Variants in TMEM204 observed in about 807,000 individuals in gnomAD.
TMEM204 encodes the protein transmembrane protein 204.
TMEM204 carries 15 observed loss-of-function variants against 19.4 expected under a neutral mutation model. The observed-to-expected ratio is 0.77, with a 90% CI of 0.52 to 1.19. The LOEUF (loss-of-function observed/expected upper bound fraction) is 1.19, where lower values mean the gene tolerates loss of function less well. TMEM204 is among the 50% of genes most tolerant of loss of function. The pLI, the probability that TMEM204 is intolerant of heterozygous loss-of-function variation, is 0.00. For synonymous variants in TMEM204, 161 were observed against 146.0 expected, an observed-to-expected ratio of 1.10 and a Z score of -0.74; for missense variants, 287 against 321.2, an observed-to-expected ratio of 0.89 and a Z score of 0.81.
chr16:1,542,184 T>TGTTGAGAGGTATGGCCTGC, intron 2 of TMEM204, 108 bp downstream of exon 2: 1 of 1,265,162 alleles, frequency 7.9e-7, no homozygotes, highest in Non-Finnish European at 1.1e-6. Context: ...CTGCAGGCCA[T>TGTTGAGAGGTATGGCCTGC]ACCTCTCAAC....
At chr16:1,545,741 A>G (rs2032113964) in intron 2 of TMEM204, among the ~76,000 whole-genome samples, 1 of 152,258 alleles carries the variant, frequency 6.6e-6, no homozygotes. Context: ...GGAAAGCCAG[A>G]GTGCAGCACA....
chr16:1,548,263 G>A (rs1347447217), intron 2 of TMEM204, among the ~76,000 whole-genome samples: 1 of 152,234 alleles, frequency 6.6e-6, no homozygotes, highest in Non-Finnish European at 1.5e-5. Flanking sequence ...TAGCTCTGCA[G>A]CTGTACGAAG....
chr16:1,534,065 A>G lies in TMEM204; in HGVS notation c.-211A>G, dbSNP rs2030794030. 3.4e-6 allele frequency: 2 copies of G among 593,638 alleles called. No individual in the cohort carries two copies. Among genetic ancestry groups the G allele is most frequent in the Non-Finnish European group, 5.6e-6 (2 of 357,368 alleles). The allele number at this position is 593,638 out of a possible 1,614,324, so 36.8% of individuals were successfully genotyped here. On this transcript the variant is annotated 5_prime_UTR_variant, in exon 1 of 3. Coordinates refer to ENST00000566264, the MANE Select transcript of TMEM204 (RefSeq NM_024600.6). ...GCCCCGAGGCGAGCAGCTTCAGCAC[A>G]GGCCTGGCCCTGCTCCAGGTGCAGG...
chr16:1,549,437 G>A (rs2032454011), intron 2 of TMEM204, among the ~76,000 whole-genome samples: 1 of 152,200 alleles, frequency 6.6e-6, no homozygotes, highest in Non-Finnish European at 1.5e-5. Flanking sequence ...TTCTTTCTTT[G>A]TTTTTTGAGA....
intron 1 of TMEM204, among the ~76,000 whole-genome samples, chr16:1,537,359 C>A (rs2031182517): frequency 6.6e-6 from 1 of 152,230 alleles, no homozygotes; most frequent in Non-Finnish European, 1.5e-5. Flanking sequence ...CCATGGGGCA[C>A]ATGGAGTCAA....
upstream of TMEM204, among the ~76,000 whole-genome samples, chr16:1,530,228 T>A (rs935587217): frequency 4.2e-5 from 6 of 143,336 alleles, no homozygotes; most frequent in South Asian, 1.2e-3. Flanking sequence ...AACCTCTGCC[T>A]CCCGAGTGAT....
At position 1,553,682 on chromosome 16, in the gene TMEM204, G is replaced by A. The variant is rs562901613; in HGVS notation, c.437-1100G>A. 4.6e-6 allele frequency: 5 copies of A among 1,076,614 alleles called. No homozygotes were observed. Among genetic ancestry groups the A allele is most frequent in the East Asian group, 1.4e-4 (2 of 14,176 alleles). The allele number at this position is 1,076,614 out of a possible 1,614,324, so 66.7% of individuals were successfully genotyped here. On this transcript the variant is annotated intron_variant, in intron 2 of 2. Transcript: ENST00000566264. The surrounding 1 kb of genome is among the most constrained non-coding windows in gnomAD (Gnocchi z 4.4). Reference sequence around the variant, plus strand: ...GGTGGGCAGAAGCGGGGCTGGGGCTGAAGGCTGGCTGGAGGCCCCATGGCC... The same window carrying A: ...GGTGGGCAGAAGCGGGGCTGGGGCTAAAGGCTGGCTGGAGGCCCCATGGCC...
intron 1 of TMEM204, among the ~76,000 whole-genome samples, chr16:1,536,752 C>A (rs1437977645): frequency 6.6e-6 from 1 of 152,168 alleles, no homozygotes; most frequent in African/African-American, 2.4e-5. Context: ...GCCTCTCTCG[C>A]CTTCTCCTTC....
rs2032824653 is a variant in TMEM204 at position 1,553,274 on chromosome 16, G to A, written c.437-1508G>A. On this transcript the variant is annotated intron_variant, in intron 2 of 2. Transcript: ENST00000566264. The surrounding 1 kb of genome is among the most constrained non-coding windows in gnomAD (Gnocchi z 4.4). ...TCTCTCTGTATCTCTCTTGGTCTCT[G>A]TCTCTCTGTGTCTCTGCCTGTCTCT... 1 of 978,936 alleles carries A rather than the reference G, an allele frequency of 1.0e-6. No individual in the cohort carries two copies. The highest frequency in any genetic ancestry group is 1.2e-6 in the Non-Finnish European group (1 of 824,336). The allele number at this position is 978,936 out of a possible 1,614,324, so 60.6% of individuals were successfully genotyped here.
intron 1 of TMEM204, among the ~76,000 whole-genome samples, chr16:1,539,005 G>A (rs971513691): frequency 6.7e-6 from 1 of 149,462 alleles, no homozygotes; most frequent in African/African-American, 2.5e-5. Context: ...ACGGTGCCAC[G>A]CGGCCCCCCA....
At chr16:1,537,643 T>C (rs1440743444) in intron 1 of TMEM204, among the ~76,000 whole-genome samples, 2 of 152,214 alleles carry the variant, frequency 1.3e-5, no homozygotes, top group Non-Finnish European at 2.9e-5. Flanking sequence ...CCACCTCACA[T>C]GCCATGTCCA....
intron 2 of TMEM204, 126 bp downstream of exon 2, chr16:1,542,202 C>G (rs1287260313): frequency 3.7e-6 from 4 of 1,087,936 alleles, no homozygotes; most frequent in African/African-American, 1.6e-5. Flanking sequence ...AACATGGCCA[C>G]AGGCCACTGA....
intron 1 of TMEM204, chr16:1,540,974 C>T (rs1177459543): frequency 2.0e-6 from 2 of 985,288 alleles, no homozygotes; most frequent in Non-Finnish European, 2.4e-6. Context: ...ACTGCTTCAC[C>T]ACCACCTCAT....
intron 1 of TMEM204, among the ~76,000 whole-genome samples, chr16:1,537,909 C>G (rs1442130490): frequency 6.6e-6 from 1 of 152,196 alleles, no homozygotes; most frequent in Non-Finnish European, 1.5e-5. Flanking sequence ...TAAGACCCTG[C>G]CTGAATACAG....
intron 1 of TMEM204, among the ~76,000 whole-genome samples, chr16:1,537,209 C>T (rs761033527): frequency 5.3e-5 from 8 of 151,422 alleles, no homozygotes; most frequent in African/African-American, 1.2e-4. Flanking sequence ...CGTCACACCG[C>T]GTGCCTCCTC....
At chr16:1,544,096 C>A (rs1356948040) in intron 2 of TMEM204, among the ~76,000 whole-genome samples, 1 of 151,266 alleles carries the variant, frequency 6.6e-6, no homozygotes, top group Non-Finnish European at 1.5e-5. Context: ...CGGCTCACTG[C>A]AACCTCTGCC....
rs2032646810 is a variant in TMEM204 at position 1,551,667 on chromosome 16, G to A, written c.437-3115G>A. ...TTCCTCACTGTCGAACCCAACTTCA[G>A]GACATGCTTGTTCACGGAAGAGCCT... On this transcript the variant is annotated intron_variant, in intron 2 of 2. Transcript: ENST00000566264. This position sits in a 1 kb window ranked among gnomAD's most constrained non-coding sequence, Gnocchi z 4.0. Among the ~76,000 whole-genome samples, 1 of 152,208 alleles carries A rather than the reference G, an allele frequency of 6.6e-6. No homozygotes were observed. Among genetic ancestry groups the A allele is most frequent in the Non-Finnish European group, 1.5e-5 (1 of 68,044 alleles).
chr16:1,528,679 G>A (rs1365452741), upstream of TMEM204: 1 of 153,898 alleles, frequency 6.5e-6, no homozygotes, highest in Non-Finnish European at 1.5e-5. Context: ...ATAAGCCTCA[G>A]TCCAGCCCAC....
intron 2 of TMEM204, among the ~76,000 whole-genome samples, chr16:1,542,872 A>G (rs2031781873): frequency 6.6e-6 from 1 of 152,238 alleles, no homozygotes; most frequent in African/African-American, 2.4e-5. Context: ...GCAACCTGGG[A>G]CAGGTCTTGA....
Sources: gnomAD v4.1 joint callset for allele counts (sites outside exome capture counted in the v4.1 genomes callset) on GRCh38, gnomAD v4.1.1 for gene constraint, Gnocchi (gnomAD v3.1) non-coding constraint, MANE v1.5 for transcripts, NCBI Gene and HGNC (gene_info 2026-07-23, HGNC 2026-07-21) for gene names.